Variants in DAAM1 observed in about 807,000 individuals in gnomAD.
DAAM1 encodes the protein dishevelled associated activator of morphogenesis 1.
In DAAM1, 52 loss-of-function variants were observed where a neutral mutation model predicts 130.0. That is an observed-to-expected ratio of 0.40 (90% CI 0.32 to 0.50). The LOEUF (loss-of-function observed/expected upper bound fraction) is 0.50. DAAM1 is among the 20% of genes least tolerant of loss of function. The pLI, the probability that DAAM1 is intolerant of heterozygous loss-of-function variation, is 0.61. For missense variants in DAAM1, 1,134 were observed against 1,303.8 expected (o/e 0.87, Z 2.01); for synonymous variants, 452 against 444.5 (o/e 1.02, Z -0.21).
chr14:59,263,495 A>G lies in DAAM1; in HGVS notation c.18A>G (p.Arg6=), dbSNP rs1882275193. The change falls in exon 2 of 25, where the codon AGA becomes AGG. Residue 6 remains arginine, a synonymous_variant. Transcript: ENST00000360909. MAPRK[R]GGRGISFIFC... ...ATTCAGCCATGGCCCCAAGAAAGAG[A>G]GGTGGACGAGGTATTTCATTCATCT... 1 of 1,614,200 alleles carries G rather than the reference A, an allele frequency of 6.2e-7. No individual in the cohort carries two copies.
chr14:59,310,204 G>C (rs1047161493), intron 3 of DAAM1, among the ~76,000 whole-genome samples: 1 of 151,518 alleles, frequency 6.6e-6, no homozygotes, highest in African/African-American at 2.4e-5. Context: ...TCCGCCTCCC[G>C]GTTCAAGCGA....
At chr14:59,288,434 A>C (rs906797200) in intron 2 of DAAM1, among the ~76,000 whole-genome samples, 2 of 152,202 alleles carry the variant, frequency 1.3e-5, no homozygotes, top group African/African-American at 2.4e-5. Flanking sequence ...ACCTGATTAA[A>C]CAGTTTCTCC....
chr14:59,273,048 A>T (rs1308122264), intron 2 of DAAM1, among the ~76,000 whole-genome samples: 1 of 152,234 alleles, frequency 6.6e-6, no homozygotes, highest in Non-Finnish European at 1.5e-5. Flanking sequence ...GGTTGGCAGT[A>T]GACTCTCATT....
intron 3 of DAAM1, among the ~76,000 whole-genome samples, chr14:59,306,876 G>T (rs1270508195): frequency 6.6e-6 from 1 of 152,152 alleles, no homozygotes; most frequent in Non-Finnish European, 1.5e-5. Flanking sequence ...ATGCAGCCTA[G>T]GCAAGGCAAC....
chr14:59,200,393 T>TTATC (rs1271014935), intron 1 of DAAM1, among the ~76,000 whole-genome samples: 1 of 152,180 alleles, frequency 6.6e-6, no homozygotes, highest in African/African-American at 2.4e-5. Flanking sequence ...ACATGACAGC[T>TTATC]TATCTCAAAT....
intron 16 of DAAM1, among the ~76,000 whole-genome samples, chr14:59,346,025 C>A (rs377232676): frequency 6.6e-6 from 1 of 151,768 alleles, no homozygotes; most frequent in Non-Finnish European, 1.5e-5. Flanking sequence ...CCTTGCAGAA[C>A]GTACATATAG....
chr14:59,212,820 C>T (rs773397144), intron 1 of DAAM1, among the ~76,000 whole-genome samples: 2 of 152,094 alleles, frequency 1.3e-5, no homozygotes, highest in African/African-American at 2.4e-5. Context: ...ATTTCTCTGT[C>T]GCAGTGGCTC....
At chr14:59,365,661 T>C (rs886998776) in intron 23 of DAAM1, among the ~76,000 whole-genome samples, 4 of 152,086 alleles carry the variant, frequency 2.6e-5, no homozygotes, top group African/African-American at 4.8e-5. Context: ...TACTGAGATA[T>C]CAGAAGAATC....
At chr14:59,255,108 T>G (rs1185801380) in intron 1 of DAAM1, among the ~76,000 whole-genome samples, 4 of 152,200 alleles carry the variant, frequency 2.6e-5, no homozygotes, top group Non-Finnish European at 5.9e-5. Flanking sequence ...GCATATTGGT[T>G]TCCCTGTGCA....
intron 5 of DAAM1, 26 bp from the exon 6 acceptor site, chr14:59,322,866 G>A (rs1885066067): frequency 1.3e-6 from 2 of 1,570,738 alleles, no homozygotes; most frequent in Non-Finnish European, 1.7e-6. Context: ...AGGCACTTAA[G>A]CATGGTGCAT....
chr14:59,338,296 G>A, intron 15 of DAAM1: 1 of 1,307,974 alleles, frequency 7.6e-7, no homozygotes, highest in Non-Finnish European at 1.1e-6. Context: ...TTGTTTCCTT[G>A]ACTGCTTTGA....
intron 1 of DAAM1, among the ~76,000 whole-genome samples, chr14:59,225,251 C>T: frequency 6.6e-6 from 1 of 152,064 alleles, no homozygotes; most frequent in East Asian, 1.9e-4. Context: ...TGGTCTCAAT[C>T]TCTTGACCTT....
chr14:59,218,938 C>T (rs1342346525), intron 1 of DAAM1, among the ~76,000 whole-genome samples: 1 of 152,144 alleles, frequency 6.6e-6, no homozygotes, highest in Non-Finnish European at 1.5e-5. Context: ...TATGCAAGGG[C>T]TGGGACTGTA....
intron 17 of DAAM1, among the ~76,000 whole-genome samples, chr14:59,351,457 ACCCTG>A (rs1418687686): frequency 1.3e-5 from 2 of 152,068 alleles, no homozygotes; most frequent in African/African-American, 4.8e-5. Flanking sequence ...GCCTTTGCCT[ACCCTG>A]CCCTGCCCTC....
intron 3 of DAAM1, among the ~76,000 whole-genome samples, chr14:59,306,907 TG>T (rs1594812210): frequency 1.3e-5 from 2 of 152,128 alleles, no homozygotes; most frequent in East Asian, 3.9e-4. Flanking sequence ...AGAATTGTGG[TG>T]TAATGGTCAG....
At chr14:59,310,143 C>T (rs1884528136) in intron 3 of DAAM1, among the ~76,000 whole-genome samples, 1 of 145,446 alleles carries the variant, frequency 6.9e-6, no homozygotes, top group Non-Finnish European at 1.5e-5. Flanking sequence ...CAGGGTCTTG[C>T]TCTGTGGCCC....
rs750722559 is a variant in DAAM1, at chr14:59,320,480, C to A, written c.346-10C>A. ...AATTTGAAGAAGTAACTTCTGTTTT[C>A]TTTGCATAGAGAAAATCTCTGCTGG... On this transcript the variant is annotated splice_polypyrimidine_tract_variant and intron_variant, in intron 4 of 24. Coordinates refer to ENST00000360909, the MANE Select transcript of DAAM1 (RefSeq NM_001270520.2). 3.1e-6 allele frequency: 5 copies of A among 1,588,960 alleles called. No individual in the cohort carries two copies. The highest frequency in any genetic ancestry group is 3.8e-5 in the Admixed American group (2 of 53,154).
At chr14:59,326,700 A>G in intron 11 of DAAM1, 52 bp downstream of exon 11, 3 of 1,593,336 alleles carry the variant, frequency 1.9e-6, no homozygotes, top group Non-Finnish European at 1.7e-6. Flanking sequence ...AATGTAAGAT[A>G]TTTATTTTAT....
At chr14:59,279,354 T>G (rs1233415937) in intron 2 of DAAM1, among the ~76,000 whole-genome samples, 1 of 152,220 alleles carries the variant, frequency 6.6e-6, no homozygotes, top group Non-Finnish European at 1.5e-5. Flanking sequence ...TCCTTTAGAA[T>G]TTAATTACCA....
Sources: gnomAD v4.1 joint callset for allele counts (sites outside exome capture counted in the v4.1 genomes callset) on GRCh38, gnomAD v4.1.1 for gene constraint, MANE v1.5 for transcripts, NCBI Gene and HGNC (gene_info 2026-07-23, HGNC 2026-07-21) for gene names.